LRBA: variants seen among roughly 807,000 people sequenced by gnomAD.
LRBA encodes the protein LPS responsive beige-like anchor protein, also known as lipopolysaccharide-responsive and beige-like anchor protein.
A neutral mutation model predicts 330.0 loss-of-function variants in LRBA; 176 were observed. The ratio of observed to expected loss-of-function variants is 0.53; its 90% CI spans 0.47 to 0.60. The LOEUF (loss-of-function observed/expected upper bound fraction) is 0.60, where lower values mean the gene tolerates loss of function less well. Ranked by LOEUF, LRBA falls within the 20% of genes least tolerant of loss-of-function variation. The probability of loss-of-function intolerance (pLI) is 0.00; values close to 1 mark genes in which losing one functional copy is unlikely to be tolerated. For synonymous variants in LRBA, 1,230 were observed against 1,193.0 expected (o/e 1.03, Z -0.64); for missense variants, 3,259 against 3,444.8 (o/e 0.95, Z 1.35).
chr4:150,814,231 A>G (rs765000717), intron 31 of LRBA, among the ~76,000 whole-genome samples: 7 of 152,082 alleles, frequency 4.6e-5, no homozygotes, highest in Non-Finnish European at 8.8e-5. Flanking sequence ...GAGACCCACC[A>G]AAAAGAAAAC....
intron 36 of LRBA, among the ~76,000 whole-genome samples, chr4:150,695,580 A>C (rs1413380433): frequency 9.9e-5 from 15 of 152,090 alleles, no homozygotes; most frequent in Non-Finnish European, 1.5e-5. Flanking sequence ...AGCCTCCCAA[A>C]GTGCTTGGAT....
chr4:150,584,124 C>G (rs1771779260), intron 40 of LRBA: 1 of 1,506,986 alleles, frequency 6.6e-7, no homozygotes, highest in Non-Finnish European at 8.9e-7. Context: ...CTGGGGACTG[C>G]TTGAAAAGCG....
At chr4:150,802,090 T>G (rs1741719407) in intron 33 of LRBA, among the ~76,000 whole-genome samples, 1 of 151,006 alleles carries the variant, frequency 6.6e-6, no homozygotes, top group South Asian at 2.1e-4. Context: ...CATGGTGACA[T>G]GCGCCTGTAG....
chr4:150,273,731 TG>T (rs1238157744), intron 56 of LRBA, among the ~76,000 whole-genome samples: 2 of 151,780 alleles, frequency 1.3e-5, no homozygotes, highest in Admixed American at 1.3e-4. Context: ...CATGACATAA[TG>T]GTAAAGGGAT....
rs373885897 is a variant in LRBA, at chr4:150,844,651, T to C, written c.4461+7A>G. ...CTTTTTGAAAATTAATTAATCTGTA[T>C]ACTTACCTTCGCTGCAGATTTCCCT... On this transcript the variant is annotated splice_region_variant and intron_variant, in intron 27 of 56. Transcript: ENST00000651943. 5.6e-6 allele frequency: 9 copies of C among 1,609,490 alleles called. No individual in the cohort carries two copies. The Admixed American group carries it at 1.2e-4, about 21-fold the overall frequency.
In LRBA at chr4:150,426,696, G is replaced by A. The variant is rs187602123; in HGVS notation, c.7041+8893C>T. On this transcript the variant is annotated intron_variant, in intron 46 of 56. Transcript: ENST00000651943. ...CACTGAATTATGCCCATTTATAAAA[G>A]CATTTAACATAACTCTAAGAATACT... 5.9e-4 allele frequency among the ~76,000 whole-genome samples: 90 copies of A among 151,704 alleles called. 1 individual carries two copies. Among genetic ancestry groups the A allele is most frequent in the African/African-American group, 2.1e-3 (88 of 41,454 alleles).
intron 37 of LRBA, among the ~76,000 whole-genome samples, chr4:150,665,102 G>C (rs1781453386): frequency 6.6e-6 from 1 of 152,076 alleles, no homozygotes; most frequent in Non-Finnish European, 1.5e-5. Context: ...GCTTCCAAGA[G>C]TCCTTTCCTT....
At chr4:150,983,386 T>C (rs1175374028) in intron 2 of LRBA, among the ~76,000 whole-genome samples, 3 of 151,552 alleles carry the variant, frequency 2.0e-5, no homozygotes, top group Admixed American at 1.3e-4. Flanking sequence ...CCCCAGGAGG[T>C]TGAGGCTGCA....
intron 47 of LRBA, among the ~76,000 whole-genome samples, chr4:150,368,940 A>G (rs1287210795): frequency 6.6e-6 from 1 of 152,164 alleles, no homozygotes; most frequent in Non-Finnish European, 1.5e-5. Flanking sequence ...GGAGTGTTCA[A>G]ATATCTGATG....
chr4:150,275,561 C>CTGAT (rs1746647752), intron 56 of LRBA, among the ~76,000 whole-genome samples: 1 of 152,184 alleles, frequency 6.6e-6, no homozygotes, highest in African/African-American at 2.4e-5. Flanking sequence ...TCTCCTTAAG[C>CTGAT]TGATAGGCAA....
At chr4:150,859,842 T>C (rs748659298) in intron 22 of LRBA, among the ~76,000 whole-genome samples, 4 of 152,210 alleles carry the variant, frequency 2.6e-5, no homozygotes, top group Admixed American at 6.5e-5. Context: ...ATTTGGGATA[T>C]TGAGATTCAA....
At chr4:150,781,239 TA>T (rs1738185401) in intron 34 of LRBA, among the ~76,000 whole-genome samples, 1 of 152,188 alleles carries the variant, frequency 6.6e-6, no homozygotes, top group Non-Finnish European at 1.5e-5. Flanking sequence ...TAATGAACCA[TA>T]ATGTAGAATC....
chr4:150,918,986 C>T (rs1732948381), intron 5 of LRBA, among the ~76,000 whole-genome samples: 1 of 152,002 alleles, frequency 6.6e-6, no homozygotes, highest in Non-Finnish European at 1.5e-5. Context: ...TTCATACTAG[C>T]CCAAGAAGTG....
chr4:150,949,159 T>C (rs1736548629), intron 2 of LRBA, among the ~76,000 whole-genome samples: 1 of 152,120 alleles, frequency 6.6e-6, no homozygotes, highest in African/African-American at 2.4e-5. Flanking sequence ...TACAGTAGTT[T>C]TGTTGGTAAT....
At chr4:150,518,613 T>C (rs1762610094) in intron 40 of LRBA, among the ~76,000 whole-genome samples, 1 of 152,164 alleles carries the variant, frequency 6.6e-6, no homozygotes, top group South Asian at 2.1e-4. Context: ...ACAACCAGCC[T>C]CCCTTCCTTC....
chr4:150,870,579 C>A lies in LRBA; in HGVS notation c.2395G>T (p.Val799Leu). The A allele has an allele frequency of 6.3e-7, 1 of 1,580,562 alleles. No homozygotes were observed. The highest frequency in any genetic ancestry group is 8.7e-7 in the Non-Finnish European group (1 of 1,150,306). ...GGATCTGGATGCTGTTTATGTATCA[C>A]CTGAGTACCAATCTGTTCTATAAGA... ...EILIEQIGTQ[V>L]IHKQHPDPDS... is the part of the protein sequence containing the mutation. The change falls in exon 20 of 57, where the codon GTG becomes TTG. Residue 799 changes from valine to leucine, a missense_variant. Coordinates refer to ENST00000651943, the MANE Select transcript of LRBA (RefSeq NM_001364905.1).
intron 13 of LRBA, among the ~76,000 whole-genome samples, chr4:150,901,248 G>A (rs1002271386): frequency 7.2e-5 from 11 of 152,014 alleles, no homozygotes; most frequent in African/African-American, 1.2e-4. Flanking sequence ...GCAGTAAGCC[G>A]AGAGAGCACC....
chr4:150,798,203 A>G (rs1741085074), intron 33 of LRBA, 61 bp from the exon 34 acceptor site: 1 of 1,049,230 alleles, frequency 9.5e-7, no homozygotes, highest in African/African-American at 1.6e-5. Flanking sequence ...ATTTGTTACA[A>G]TTTCATCCAA....
chr4:150,423,132 A>G (rs1749048775), intron 46 of LRBA: 1 of 937,092 alleles, frequency 1.1e-6, no homozygotes, highest in Non-Finnish European at 1.8e-6. Flanking sequence ...GGAAGCTACC[A>G]CCACCAAAGT....
Sources: gnomAD v4.1 joint callset for allele counts (sites outside exome capture counted in the v4.1 genomes callset) on GRCh38, gnomAD v4.1.1 for gene constraint, MANE v1.5 for transcripts, NCBI Gene and HGNC (gene_info 2026-07-23, HGNC 2026-07-21) for gene names.